Variants in DSE observed in about 807,000 individuals in gnomAD.
DSE encodes dermatan-sulfate epimerase.
In DSE, 36 loss-of-function variants were observed where a neutral mutation model predicts 84.4. The observed-to-expected ratio is 0.43, with a 90% CI of 0.33 to 0.56. DSE has a LOEUF of 0.56. DSE is among the 20% of genes least tolerant of loss of function. The pLI is 0.06. For missense variants in DSE, 862 were observed against 1,169.6 expected, an observed-to-expected ratio of 0.74 and a Z score of 3.84; for synonymous variants, 410 against 430.1, an observed-to-expected ratio of 0.95 and a Z score of 0.58.
At chr6:116,335,094 A>G (rs984541587) in intron 2 of DSE, among the ~76,000 whole-genome samples, 1 of 152,228 alleles carries the variant, frequency 6.6e-6, no homozygotes, top group Admixed American at 6.5e-5. Flanking sequence ...TTGCAGCACT[A>G]TTCACAATAG....
chr6:116,256,864 A>G (rs1377485689), intron 1 of DSE: 1 of 152,232 alleles, frequency 6.6e-6, no homozygotes, highest in Admixed American at 6.5e-5. Flanking sequence ...AGTAAAGTCT[A>G]TTCTACTGGA....
chr6:116,305,899 C>T (rs1273285544), intron 2 of DSE, among the ~76,000 whole-genome samples: 2 of 152,164 alleles, frequency 1.3e-5, no homozygotes, highest in East Asian at 3.9e-4. Flanking sequence ...ACTTCAGCCT[C>T]CCAAAGTGCT....
upstream of DSE, chr6:116,370,474 G>C: frequency 2.0e-6 from 2 of 986,892 alleles, no homozygotes; most frequent in Non-Finnish European, 2.4e-6. Context: ...GGAGGAGGCA[G>C]ACTGGAGTGG....
intron 1 of DSE, among the ~76,000 whole-genome samples, chr6:116,398,562 G>A (rs1231932454): frequency 6.6e-6 from 1 of 152,194 alleles, no homozygotes; most frequent in Admixed American, 6.5e-5. Context: ...TTCACTACAT[G>A]CTTGCTGATG....
chr6:116,267,760 T>C (rs1772697997), intron 2 of DSE, among the ~76,000 whole-genome samples: 2 of 152,110 alleles, frequency 1.3e-5, no homozygotes, highest in Non-Finnish European at 2.9e-5. Flanking sequence ...GAGGTTTAAT[T>C]GACTGACAGT....
chr6:116,351,113 G>T (rs1285491185), intron 2 of DSE, among the ~76,000 whole-genome samples: 1 of 152,162 alleles, frequency 6.6e-6, no homozygotes, highest in Non-Finnish European at 1.5e-5. Context: ...GATTAAGCAA[G>T]ATTGCTTCTT....
intron 2 of DSE, among the ~76,000 whole-genome samples, chr6:116,349,215 A>C (rs1583066181): frequency 1.3e-5 from 2 of 152,162 alleles, no homozygotes; most frequent in East Asian, 3.8e-4. Flanking sequence ...ATCTACACAC[A>C]CACACCCATA....
chr6:116,391,862 C>G (rs1481156883), intron 1 of DSE, among the ~76,000 whole-genome samples: 1 of 151,158 alleles, frequency 6.6e-6, no homozygotes, highest in African/African-American at 2.4e-5. Flanking sequence ...TTTTAGGGAA[C>G]GATTCTGCAG....
intron 2 of DSE, among the ~76,000 whole-genome samples, chr6:116,284,968 C>T (rs970864442): frequency 7.7e-4 from 117 of 151,992 alleles, no homozygotes; most frequent in African/African-American, 2.6e-3. Flanking sequence ...TGAATAATGC[C>T]GCAATAAACA....
At chr6:116,420,267 C>T (rs941327012) in intron 2 of DSE, among the ~76,000 whole-genome samples, 1 of 152,118 alleles carries the variant, frequency 6.6e-6, no homozygotes, top group African/African-American at 2.4e-5. Context: ...GAATGGGACC[C>T]TCCTCAAAAT....
intron 5 of DSE, among the ~76,000 whole-genome samples, chr6:116,434,321 A>G (rs1405014928): frequency 2.0e-5 from 3 of 152,144 alleles, no homozygotes; most frequent in Non-Finnish European, 4.4e-5. Context: ...CAACTCCAAA[A>G]CAAGCTTTCT....
intron 2 of DSE, among the ~76,000 whole-genome samples, chr6:116,267,679 A>G (rs1005427354): frequency 1.3e-5 from 2 of 152,214 alleles, no homozygotes; most frequent in African/African-American, 4.8e-5. Flanking sequence ...TATAAAATGT[A>G]CAATAGCATA....
At chr6:116,384,922 A>C (rs1392298910) in intron 1 of DSE, among the ~76,000 whole-genome samples, 1 of 152,220 alleles carries the variant, frequency 6.6e-6, no homozygotes, top group African/African-American at 2.4e-5. Flanking sequence ...AATAAAACCC[A>C]GGAGGGAATT....
intron 2 of DSE, among the ~76,000 whole-genome samples, chr6:116,357,239 A>G (rs1242344739): frequency 6.6e-6 from 1 of 152,158 alleles, no homozygotes; most frequent in East Asian, 1.9e-4. Context: ...TTAGCCACAA[A>G]AACAAGTTAT....
At position 116,354,815 on chromosome 6, in the gene DSE, G is replaced by T. The variant is rs139868607; in HGVS notation, c.-53-44383G>T. Among the ~76,000 whole-genome samples the T allele has an allele frequency of 3.0e-3, 450 of 152,040 alleles. 1 individual carries two copies. Among genetic ancestry groups the T allele is most frequent in the Non-Finnish European group, 4.6e-3 (315 of 67,988 alleles). ...TTACATTACTTTTTATAATAAAATA[G>T]TGACATGTTTTACATTACTTTTTAT... is the stretch of plus-strand genomic sequence containing the variant. On this transcript the variant is annotated intron_variant, in intron 2 of 3. Transcript: ENST00000430252.
chr6:116,284,488 C>T (rs112931763), intron 2 of DSE, among the ~76,000 whole-genome samples: 31 of 152,238 alleles, frequency 2.0e-4, no homozygotes, highest in African/African-American at 7.0e-4. Flanking sequence ...ACTCTCTGAA[C>T]AAGTGTGAAC....
chr6:116,264,913 T>C (rs1304368710), intron 2 of DSE, among the ~76,000 whole-genome samples: 1 of 152,154 alleles, frequency 6.6e-6, no homozygotes, highest in African/African-American at 2.4e-5. Flanking sequence ...CTGACTTTGT[T>C]TTCTGGCTCC....
chr6:116,359,555 GT>G (rs1267589441), intron 2 of DSE, among the ~76,000 whole-genome samples: 1 of 152,040 alleles, frequency 6.6e-6, no homozygotes, highest in African/African-American at 2.4e-5. Context: ...TTTAATATTA[GT>G]AAAATTCAGA....
intron 2 of DSE, among the ~76,000 whole-genome samples, chr6:116,344,343 A>G (rs1777812777): frequency 6.6e-6 from 1 of 152,224 alleles, no homozygotes. Flanking sequence ...CAAATTCACC[A>G]AAGTTGAAAT....
Sources: allele counts gnomAD v4.1 joint callset (sites outside exome capture counted in the v4.1 genomes callset), GRCh38; gene constraint gnomAD v4.1.1; transcripts MANE v1.5; gene names NCBI Gene and HGNC (gene_info 2026-07-23, HGNC 2026-07-21).